USH2A: variants seen among roughly 807,000 people sequenced by gnomAD.
USH2A encodes the protein Usher syndrome 2A (autosomal recessive, mild).
USH2A carries 443 observed loss-of-function variants against 538.9 expected under a neutral mutation model. The ratio of observed to expected loss-of-function variants is 0.82; its 90% CI spans 0.76 to 0.89. USH2A has a LOEUF of 0.89. Among genes scored for constraint, USH2A ranks in the 40% least tolerant of loss-of-function variants. USH2A has a pLI of 0.00. For missense variants in USH2A, 6,633 were observed against 6,324.8 expected (o/e 1.05, Z -1.65); for synonymous variants, 2,413 against 2,273.5 (o/e 1.06, Z -1.75).
intron 32 of USH2A, among the ~76,000 whole-genome samples, chr1:216,005,501 T>C (rs1449866126): frequency 6.6e-6 from 1 of 152,200 alleles, no homozygotes; most frequent in African/African-American, 2.4e-5. Flanking sequence ...CTAACTCGCA[T>C]AATTTTACTT....
At chr1:216,266,727 G>C (rs1407701405) in intron 11 of USH2A, among the ~76,000 whole-genome samples, 1 of 151,888 alleles carries the variant, frequency 6.6e-6, no homozygotes, top group Non-Finnish European at 1.5e-5. Context: ...ATATGTATGT[G>C]TACCATATAT....
chr1:215,766,017 G>A (rs148300549), intron 56 of USH2A, among the ~76,000 whole-genome samples: 2 of 152,230 alleles, frequency 1.3e-5, no homozygotes, highest in Non-Finnish European at 2.9e-5. Flanking sequence ...CTGTATCATG[G>A]GAAATTAACA....
Position 215,674,460 on chromosome 1 carries a change from G to A in USH2A, c.13451C>T (p.Thr4484Ile). ...IRSYELRRDG[T>I]IVYTGLETRY... ...TGTTTCCAAGCCTGTATATACAATG[G>A]TTCCATCCCTCCTAAGTTCATAACT... The change falls in exon 63 of 72, where the codon ACC becomes ATC. Residue 4484 changes from threonine (T) to isoleucine (I), a missense_variant. By Grantham distance (89) the Thr-to-Ile change is moderately conservative. Coordinates refer to ENST00000307340, the MANE Select transcript of USH2A (RefSeq NM_206933.4). The A allele has an allele frequency of 2.5e-6, 4 of 1,614,166 alleles. No individual in the cohort carries two copies. The highest frequency in any genetic ancestry group is 3.4e-6 in the Non-Finnish European group (4 of 1,180,030).
intron 44 of USH2A, among the ~76,000 whole-genome samples, chr1:215,847,946 G>A (rs1168203241): frequency 6.6e-6 from 1 of 152,178 alleles, no homozygotes; most frequent in Non-Finnish European, 1.5e-5. Context: ...ATGTGCCAGT[G>A]TAGTTGGAAG....
intron 20 of USH2A, among the ~76,000 whole-genome samples, chr1:216,183,411 T>A (rs887888365): frequency 2.6e-5 from 4 of 152,064 alleles, no homozygotes; most frequent in African/African-American, 9.7e-5. Flanking sequence ...TTCAGAAGAC[T>A]GTTCAATAAC....
chr1:215,719,101 C>T (rs2364863), intron 61 of USH2A, among the ~76,000 whole-genome samples: 25,986 of 152,012 alleles, frequency 0.17, 2,297 homozygotes, highest in South Asian at 0.3. Flanking sequence ...TAGGTAGATG[C>T]CAATTTGGCA....
intron 23 of USH2A, among the ~76,000 whole-genome samples, chr1:216,087,708 A>G (rs1337692449): frequency 6.6e-6 from 1 of 152,118 alleles, no homozygotes; most frequent in Non-Finnish European, 1.5e-5. Flanking sequence ...TCTCATCACC[A>G]AATCCTGTTA....
intron 58 of USH2A, among the ~76,000 whole-genome samples, chr1:215,753,862 A>G (rs2102737072): frequency 6.6e-6 from 1 of 152,326 alleles, no homozygotes; most frequent in Middle Eastern, 3.4e-3. Context: ...TTTGGTTTTC[A>G]CCAACACCCA....
Position 216,017,964 on chromosome 1 carries a change from C to T in USH2A, c.6326-17402G>A, listed in dbSNP as rs977156319. 1.1e-4 allele frequency among the ~76,000 whole-genome samples: 17 copies of T among 152,244 alleles called. 1 individual carries two copies. The highest frequency in any genetic ancestry group is 6.8e-3 in the Middle Eastern group (2 of 294). ...TTTGGGTGGCAAGACATACACATTTCTTTTTTGGCATAGTCTCATGCTACC... is the reference window on the plus strand; with the variant it reads ...TTTGGGTGGCAAGACATACACATTTTTTTTTTGGCATAGTCTCATGCTACC... On this transcript the variant is annotated intron_variant, in intron 32 of 71. Transcript: ENST00000307340.
chr1:216,230,898 TCA>T (rs71161408), intron 14 of USH2A, among the ~76,000 whole-genome samples: 117 of 146,946 alleles, frequency 8.0e-4, no homozygotes, highest in South Asian at 2.0e-3. Context: ...TCTCTCTCTC[TCA>T]CACACACACA....
At chr1:216,365,360 T>G (rs1386000171) in intron 3 of USH2A, among the ~76,000 whole-genome samples, 1 of 152,196 alleles carries the variant, frequency 6.6e-6, no homozygotes, top group African/African-American at 2.4e-5. Context: ...CTGGTTGCCA[T>G]GTTTTACAGG....
intron 48 of USH2A, among the ~76,000 whole-genome samples, chr1:215,814,915 C>T (rs1662815689): frequency 6.6e-6 from 1 of 152,104 alleles, no homozygotes; most frequent in African/African-American, 2.4e-5. Context: ...ACAATTCCCC[C>T]AGGTCTTACG....
intron 11 of USH2A, among the ~76,000 whole-genome samples, chr1:216,271,429 A>G (rs2036574271): frequency 6.6e-6 from 1 of 152,020 alleles, no homozygotes; most frequent in African/African-American, 2.4e-5. Flanking sequence ...TTGCCAAGCA[A>G]TTTTTATACT....
chr1:216,249,851 T>A (rs1205000910), intron 12 of USH2A, among the ~76,000 whole-genome samples: 2 of 152,194 alleles, frequency 1.3e-5, no homozygotes, highest in East Asian at 3.9e-4. Context: ...TATGCATGTG[T>A]ACATGTAAGC....
intron 49 of USH2A, among the ~76,000 whole-genome samples, chr1:215,804,738 G>A (rs1237294484): frequency 6.6e-6 from 1 of 152,076 alleles, no homozygotes; most frequent in Non-Finnish European, 1.5e-5. Flanking sequence ...ATTCCTCAGG[G>A]ATCTTGAACT....
At chr1:216,120,219 C>CAAAAAAAAAAAAAAAAAAAAAAAAAAAA (rs10525093) in intron 21 of USH2A, among the ~76,000 whole-genome samples, 3 of 100,024 alleles carry the variant, frequency 3.0e-5, no homozygotes, top group Non-Finnish European at 3.8e-5. Flanking sequence ...TACTAAATAG[C>CAAAAAAAAAAAAAAAAAAAAAAAAAAAA]AAAAAAAAAA....
chr1:215,820,443 A>C (rs1662979482), intron 47 of USH2A, among the ~76,000 whole-genome samples: 1 of 151,754 alleles, frequency 6.6e-6, no homozygotes, highest in Non-Finnish European at 1.5e-5. Context: ...GGAGTTTAAA[A>C]AAATATATTT....
At chr1:216,231,031 T>C (rs2035667368) in intron 14 of USH2A, among the ~76,000 whole-genome samples, 2 of 149,866 alleles carry the variant, frequency 1.3e-5, no homozygotes, top group African/African-American at 4.9e-5. Context: ...TTAAAGAGAG[T>C]GTAACTTTGA....
chr1:215,980,730 A>G (rs572124117), intron 35 of USH2A, among the ~76,000 whole-genome samples: 2 of 152,162 alleles, frequency 1.3e-5, no homozygotes, highest in East Asian at 1.9e-4. Flanking sequence ...TAATTTTTTC[A>G]TCTTGCTTTG....
Sources: gnomAD v4.1 joint callset for allele counts (sites outside exome capture counted in the v4.1 genomes callset) on GRCh38, gnomAD v4.1.1 for gene constraint, MANE v1.5 for transcripts, NCBI Gene and HGNC (gene_info 2026-07-23, HGNC 2026-07-21) for gene names.